Variants in CDH12 observed in about 807,000 individuals in gnomAD.
CDH12 encodes the protein cadherin-12.
A neutral mutation model predicts 74.1 loss-of-function variants in CDH12; 41 were observed. The ratio of observed to expected loss-of-function variants is 0.55; its 90% CI spans 0.43 to 0.72. CDH12 has a LOEUF of 0.72. Among genes scored for constraint, CDH12 ranks in the 30% least tolerant of loss-of-function variants. The pLI is 0.00. For synonymous variants in CDH12, 399 were observed against 355.0 expected (o/e 1.12, Z -1.39); for missense variants, 945 against 977.2 (o/e 0.97, Z 0.44).
chr5:21,802,828 G>A (rs534000176), intron 9 of CDH12, among the ~76,000 whole-genome samples: 1 of 152,152 alleles, frequency 6.6e-6, no homozygotes, highest in Admixed American at 6.5e-5. Flanking sequence ...CTGACCTCAG[G>A]TGATCCACCC....
intron 3 of CDH12, among the ~76,000 whole-genome samples, chr5:22,334,484 T>C (rs940768691): frequency 1.3e-5 from 2 of 152,062 alleles, no homozygotes; most frequent in Non-Finnish European, 2.9e-5. Flanking sequence ...ATGACATCCT[T>C]CATAGAAATA....
At chr5:21,797,099 G>A (rs761139061) in intron 10 of CDH12, among the ~76,000 whole-genome samples, 1 of 152,050 alleles carries the variant, frequency 6.6e-6, no homozygotes. Context: ...GGGTGTGTTT[G>A]CTAGTCATGA....
intron 2 of CDH12, among the ~76,000 whole-genome samples, chr5:22,481,428 G>T (rs1163372366): frequency 6.6e-6 from 1 of 152,260 alleles, no homozygotes; most frequent in East Asian, 1.9e-4. Context: ...AGACATAACT[G>T]GCAAGATACA....
At chr5:22,757,393 G>C (rs1327601788) in intron 1 of CDH12, among the ~76,000 whole-genome samples, 1 of 152,150 alleles carries the variant, frequency 6.6e-6, no homozygotes, top group African/African-American at 2.4e-5. Flanking sequence ...GTAAAACTTA[G>C]TCTGAGGTGT....
chr5:22,844,352 C>T (rs1290751482), intron 1 of CDH12, among the ~76,000 whole-genome samples: 1 of 152,006 alleles, frequency 6.6e-6, no homozygotes, highest in Non-Finnish European at 1.5e-5. Context: ...TAGCACACTC[C>T]AAATCAAACA....
intron 3 of CDH12, among the ~76,000 whole-genome samples, chr5:22,339,102 A>C (rs186728985): frequency 6.6e-6 from 1 of 152,104 alleles, no homozygotes; most frequent in East Asian, 1.9e-4. Flanking sequence ...CTGCACCCAG[A>C]CTCCTAACCC....
intron 1 of CDH12, among the ~76,000 whole-genome samples, chr5:22,831,789 T>C (rs1007617263): frequency 6.6e-6 from 1 of 151,820 alleles, no homozygotes; most frequent in African/African-American, 2.4e-5. Flanking sequence ...TCCAAGCTAC[T>C]CAGGAGGCTG....
At chr5:21,976,772 G>A (rs1757088873) in intron 5 of CDH12, among the ~76,000 whole-genome samples, 1 of 151,932 alleles carries the variant, frequency 6.6e-6, no homozygotes, top group South Asian at 2.1e-4. Context: ...CTGCATATGA[G>A]CACTGCTCTT....
chr5:22,582,073 C>T (rs1249448309), intron 1 of CDH12, among the ~76,000 whole-genome samples: 2 of 152,082 alleles, frequency 1.3e-5, no homozygotes, highest in East Asian at 1.9e-4. Context: ...TTTGTCTACC[C>T]TCTGGCCCCA....
rs554544170 is a variant in CDH12, at chr5:22,502,435, G to A, written c.-428+2835C>T. On this transcript the variant is annotated intron_variant, in intron 2 of 14. Coordinates refer to ENST00000382254, the MANE Select transcript of CDH12 (RefSeq NM_004061.5). ...TTATAAACTACCCAGTCTCAGGTAC[G>A]TCTTTATTAGCAGCGTGAGAACACA... Among the ~76,000 whole-genome samples, 18 of 152,102 alleles carry A rather than the reference G, an allele frequency of 1.2e-4. No individual in the cohort carries two copies. The South Asian group carries it at 2.5e-3, about 21-fold the overall frequency.
At chr5:22,099,122 A>G (rs1743984109) in intron 4 of CDH12, among the ~76,000 whole-genome samples, 1 of 152,186 alleles carries the variant, frequency 6.6e-6, no homozygotes, top group South Asian at 2.1e-4. Flanking sequence ...GTCTAGGTAG[A>G]CACTTTTACT....
In CDH12 at chr5:22,513,951, GAAAAAA is replaced by G. The variant is rs34448733; in HGVS notation, c.-522-8593_-522-8588del. 9.0e-5 allele frequency among the ~76,000 whole-genome samples: 9 copies of G among 100,516 alleles called. 1 individual carries two copies. The highest frequency in any genetic ancestry group is 4.1e-4 in the Admixed American group (4 of 9,770). 65.9% of individuals were successfully genotyped at this position (100,516 alleles called of 152,430 possible). ...GCCACATTGTGAGACTCCGTGTCAG[GAAAAAA>G]AAAAAAAAAAAATGCACAACACATT... On this transcript the variant is annotated intron_variant, in intron 1 of 14. Coordinates refer to ENST00000382254, the MANE Select transcript of CDH12 (RefSeq NM_004061.5).
chr5:22,415,871 T>C (rs1385586222), intron 2 of CDH12, among the ~76,000 whole-genome samples: 1 of 151,770 alleles, frequency 6.6e-6, no homozygotes, highest in African/African-American at 2.4e-5. Flanking sequence ...TCTAGGAAAT[T>C]GTCAGCAAAG....
rs71601531 is a variant in CDH12, at chr5:22,115,451, A to G, written c.-186-36589T>C. On this transcript the variant is annotated intron_variant, in intron 4 of 14. Transcript: ENST00000382254. ...TAAGATTAGCAGCTAAAAAGACATT[A>G]CAATATATTGCCATCAACTGCTTCA... 3.3e-5 allele frequency among the ~76,000 whole-genome samples: 5 copies of G among 152,232 alleles called. 1 individual carries two copies. In the East Asian group the frequency reaches 9.6e-4, roughly 29 times the overall value.
intron 3 of CDH12, among the ~76,000 whole-genome samples, chr5:22,213,253 T>C (rs1280698472): frequency 6.6e-6 from 1 of 152,050 alleles, no homozygotes; most frequent in Non-Finnish European, 1.5e-5. Context: ...AAAGGAAGTA[T>C]TCATACTAAA....
chr5:21,976,553 C>A (rs1757080144), intron 5 of CDH12, among the ~76,000 whole-genome samples: 1 of 150,362 alleles, frequency 6.7e-6, no homozygotes, highest in Non-Finnish European at 1.5e-5. Flanking sequence ...TACATATATA[C>A]ATAACATAGT....
chr5:22,065,327 T>C (rs145372702), intron 5 of CDH12, among the ~76,000 whole-genome samples: 13 of 152,268 alleles, frequency 8.5e-5, no homozygotes, highest in African/African-American at 2.9e-4. Flanking sequence ...GGAATAGATA[T>C]ATAGGGTATG....
chr5:22,748,787 T>G (rs1011535686), intron 1 of CDH12, among the ~76,000 whole-genome samples: 1 of 152,224 alleles, frequency 6.6e-6, no homozygotes, highest in Non-Finnish European at 1.5e-5. Flanking sequence ...AAATCTCTTC[T>G]TTAGAAATGC....
At chr5:22,138,370 T>G (rs1746578222) in intron 4 of CDH12, among the ~76,000 whole-genome samples, 1 of 151,690 alleles carries the variant, frequency 6.6e-6, no homozygotes, top group South Asian at 2.1e-4. Context: ...TTTAGAAAGA[T>G]TAAAACTATA....
Sources: allele counts gnomAD v4.1 joint callset (sites outside exome capture counted in the v4.1 genomes callset), GRCh38; gene constraint gnomAD v4.1.1; transcripts MANE v1.5; gene names NCBI Gene and HGNC (gene_info 2026-07-23, HGNC 2026-07-21).